Variants in GFRAL observed in about 807,000 individuals in gnomAD.
GFRAL encodes the protein GDNF family receptor alpha-like.
A neutral mutation model predicts 45.4 loss-of-function variants in GFRAL; 36 were observed. The observed-to-expected ratio is 0.79, with a 90% CI of 0.61 to 1.05. GFRAL has a LOEUF of 1.05. Among genes scored for constraint, GFRAL ranks in the 50% least tolerant of loss-of-function variants. The probability of loss-of-function intolerance (pLI) is 0.00; values close to 1 mark genes in which losing one functional copy is unlikely to be tolerated. For missense variants in GFRAL, 507 were observed against 467.5 expected (o/e 1.08, Z -0.78); for synonymous variants, 166 against 154.1 (o/e 1.08, Z -0.57).
At chr6:55,341,088 C>A (rs1203501523) in intron 3 of GFRAL, among the ~76,000 whole-genome samples, 1 of 152,214 alleles carries the variant, frequency 6.6e-6, no homozygotes, top group Non-Finnish European at 1.5e-5. Context: ...GTAGACTCCA[C>A]CTCTGTGGGC....
chr6:55,391,669 G>A (rs1446775784), intron 6 of GFRAL, among the ~76,000 whole-genome samples: 3 of 151,944 alleles, frequency 2.0e-5, no homozygotes, highest in African/African-American at 7.3e-5. Flanking sequence ...AGGATTGCTT[G>A]AGCCCAGGAG....
chr6:55,352,682 TC>T (rs998864680), intron 5 of GFRAL, among the ~76,000 whole-genome samples: 1 of 151,948 alleles, frequency 6.6e-6, no homozygotes, highest in African/African-American at 2.4e-5. Context: ...TAAGATGGAG[TC>T]TTTTTTGGAG....
At position 55,377,806 on chromosome 6, in the gene GFRAL, C is replaced by G. The variant is rs563427557; in HGVS notation, c.952+18668C>G. 2.0e-5 allele frequency among the ~76,000 whole-genome samples: 3 copies of G among 151,922 alleles called. No individual in the cohort carries two copies. The East Asian group carries it at 5.8e-4, about 29-fold the overall frequency. On this transcript the variant is annotated intron_variant, in intron 6 of 8. Coordinates refer to ENST00000340465, the MANE Select transcript of GFRAL (RefSeq NM_207410.2). ...GATCCAAAATTATTTTTGAATATGG[C>G]CAGTACATATAACAGAGAACAAAGC...
At chr6:55,371,721 A>G (rs966417048) in intron 6 of GFRAL, among the ~76,000 whole-genome samples, 4 of 152,228 alleles carry the variant, frequency 2.6e-5, no homozygotes, top group African/African-American at 7.2e-5. Context: ...TTTGTTCAGT[A>G]CTTTTTAGTC....
chr6:55,396,895 T>TTTTTGG (rs1768832714), intron 6 of GFRAL, among the ~76,000 whole-genome samples: 1 of 147,046 alleles, frequency 6.8e-6, no homozygotes, highest in African/African-American at 2.5e-5. Flanking sequence ...TTTTTTTTTC[T>TTTTTGG]GGAGTCAGAG....
At chr6:55,383,585 C>G (rs1768640355) in intron 6 of GFRAL, among the ~76,000 whole-genome samples, 1 of 151,962 alleles carries the variant, frequency 6.6e-6, no homozygotes, top group Admixed American at 6.6e-5. Context: ...TAGCCTAGAT[C>G]TGTAGTAGGC....
intron 6 of GFRAL, among the ~76,000 whole-genome samples, chr6:55,369,607 G>A (rs374356761): frequency 9.0e-4 from 137 of 152,080 alleles, no homozygotes; most frequent in African/African-American, 2.8e-3. Context: ...GTTATTGCAC[G>A]TATGTACTGG....
chr6:55,335,776 C>A (rs1403073195), intron 3 of GFRAL, among the ~76,000 whole-genome samples: 3 of 152,110 alleles, frequency 2.0e-5, no homozygotes, highest in Admixed American at 1.3e-4. Flanking sequence ...TGAGTTAATT[C>A]TGTACTTTTG....
intron 3 of GFRAL, among the ~76,000 whole-genome samples, chr6:55,347,266 G>A (rs9296780): frequency 0.49 from 73,819 of 151,878 alleles, 19,347 homozygotes; most frequent in Non-Finnish European, 0.61. Flanking sequence ...AGCTTTGGAA[G>A]CGAGTAAGAT....
chr6:55,342,370 C>A (rs1767979975), intron 3 of GFRAL, among the ~76,000 whole-genome samples: 1 of 152,120 alleles, frequency 6.6e-6, no homozygotes, highest in Admixed American at 6.6e-5. Flanking sequence ...GACCAATATT[C>A]AACATTCTTA....
intron 6 of GFRAL, among the ~76,000 whole-genome samples, chr6:55,391,428 A>G (rs1252168201): frequency 6.6e-6 from 1 of 152,168 alleles, no homozygotes; most frequent in Non-Finnish European, 1.5e-5. Context: ...ATTTTGAACC[A>G]TAAGTTTTGT....
intron 3 of GFRAL, among the ~76,000 whole-genome samples, chr6:55,342,390 A>AT (rs1431536561): frequency 9.2e-5 from 14 of 152,154 alleles, no homozygotes; most frequent in Admixed American, 1.3e-4. Flanking sequence ...AAAGAAAAGA[A>AT]TTTTCAAACC....
At chr6:55,340,885 C>T (rs544442891) in intron 3 of GFRAL, among the ~76,000 whole-genome samples, 6 of 152,180 alleles carry the variant, frequency 3.9e-5, no homozygotes, top group African/African-American at 1.4e-4. Flanking sequence ...TATCCCGTGC[C>T]TGGCTTGGAG....
chr6:55,383,194 A>G (rs1473719472), intron 6 of GFRAL, among the ~76,000 whole-genome samples: 1 of 152,002 alleles, frequency 6.6e-6, no homozygotes. Context: ...ATGCATTTCT[A>G]CAAGCAACTA....
intron 5 of GFRAL, among the ~76,000 whole-genome samples, chr6:55,356,173 T>C (rs1768192095): frequency 6.6e-6 from 1 of 151,994 alleles, no homozygotes; most frequent in Admixed American, 6.6e-5. Flanking sequence ...AAAATTGTCC[T>C]GTAGTTTACT....
At chr6:55,359,699 TC>T (rs1338425899) in intron 6 of GFRAL, among the ~76,000 whole-genome samples, 1 of 151,958 alleles carries the variant, frequency 6.6e-6, no homozygotes, top group Admixed American at 6.6e-5. Context: ...TATGACATCT[TC>T]AGCAATATAG....
chr6:55,401,256 C>T (rs1768892653), intron 8 of GFRAL, among the ~76,000 whole-genome samples: 2 of 151,984 alleles, frequency 1.3e-5, no homozygotes, highest in African/African-American at 2.4e-5. Context: ...AATCGGAAAA[C>T]TCCAGGCCCA....
chr6:55,328,040 A>G (rs992191463), intron 1 of GFRAL, among the ~76,000 whole-genome samples: 2 of 152,052 alleles, frequency 1.3e-5, no homozygotes, highest in African/African-American at 4.8e-5. Flanking sequence ...CTACAGTGTT[A>G]ATATTTGCTA....
intron 3 of GFRAL, among the ~76,000 whole-genome samples, chr6:55,346,835 C>CT (rs1768049245): frequency 1.6e-5 from 1 of 60,848 alleles, no homozygotes; most frequent in South Asian, 7.9e-4. Flanking sequence ...AAGAAATCCC[C>CT]CCCCCCCAAA....
Sources: allele counts gnomAD v4.1 joint callset (sites outside exome capture counted in the v4.1 genomes callset), GRCh38; gene constraint gnomAD v4.1.1; transcripts MANE v1.5; gene names NCBI Gene and HGNC (gene_info 2026-07-23, HGNC 2026-07-21).